TP53BP1: variants seen among roughly 807,000 people sequenced by gnomAD.
TP53BP1 encodes the protein tumor protein p53 binding protein 1.
Under a neutral mutation model 200.8 loss-of-function variants are expected in TP53BP1, and 61 were observed. That is an observed-to-expected ratio of 0.30 (90% CI 0.25 to 0.38). The LOEUF is 0.38. Ranked by LOEUF, TP53BP1 falls within the 10% of genes least tolerant of loss-of-function variation. The pLI is 1.00. For synonymous variants in TP53BP1, 822 were observed against 844.3 expected (o/e 0.97, Z 0.46); for missense variants, 2,144 against 2,371.9 (o/e 0.90, Z 2.00).
At chr15:43,407,867 TGGACCACAAGGCCTA>T in intron 27 of TP53BP1, 61 bp downstream of exon 27, 1 of 1,443,116 alleles carries the variant, frequency 6.9e-7, no homozygotes, top group Non-Finnish European at 9.3e-7. Flanking sequence ...GCCTGAGCCT[TGGACCACAAGGCCTA>T]ACACCTACAG....
rs1463960121 is a variant in TP53BP1, at chr15:43,438,428, T to C, written c.3099-12A>G. ...TGGTCTTCTGGGGACTAAGACAATA[T>C]ATTAAAGCAATATATTGTTAACTTT... On this transcript the variant is annotated splice_polypyrimidine_tract_variant and intron_variant, in intron 15 of 27. Transcript: ENST00000382044. The C allele has an allele frequency of 2.5e-6, 4 of 1,596,720 alleles. No homozygotes were observed. Among genetic ancestry groups the C allele is most frequent in the Non-Finnish European group, 3.4e-6 (4 of 1,169,568 alleles).
intron 12 of TP53BP1, among the ~76,000 whole-genome samples, chr15:43,448,067 C>T (rs181000260): frequency 2.6e-5 from 4 of 152,266 alleles, no homozygotes; most frequent in South Asian, 2.1e-4. Flanking sequence ...TTCAGCAGTA[C>T]GGACCAGCAT....
intron 13 of TP53BP1, chr15:43,447,119 A>C (rs1236894008): frequency 2.1e-6 from 1 of 485,324 alleles, no homozygotes; most frequent in Non-Finnish European, 3.7e-6. Flanking sequence ...CTTGCAAGTA[A>C]TAAGATAAAA....
chr15:43,484,180 C>T (rs1191240059), intron 4 of TP53BP1, among the ~76,000 whole-genome samples: 1 of 152,190 alleles, frequency 6.6e-6, no homozygotes, highest in Non-Finnish European at 1.5e-5. Context: ...TTGGAATCTG[C>T]CAGGCACGGT....
In TP53BP1 at chr15:43,409,748, T is replaced by TAAA; in HGVS notation, c.5306-10_5306-8dup. On this transcript the variant is annotated splice_region_variant and splice_polypyrimidine_tract_variant and intron_variant, in intron 24 of 27. Transcript: ENST00000382044. ...GGAGGAATTTCCAAAAATTCTATATTAAAAAAAAAAACCAAGATAATAATT... is the reference window on the plus strand; with the variant it reads ...GGAGGAATTTCCAAAAATTCTATATTAAAAAAAAAAAAAACCAAGATAATAATT... The TAAA allele has an allele frequency of 6.5e-6, 8 of 1,223,284 alleles. No homozygotes were observed. The highest frequency in any genetic ancestry group is 1.6e-5 in the African/African-American group (1 of 62,886). 75.8% of individuals were successfully genotyped at this position (1,223,284 alleles called of 1,614,324 possible).
At chr15:43,442,186 C>T (rs991890676) in intron 14 of TP53BP1, among the ~76,000 whole-genome samples, 4 of 148,990 alleles carry the variant, frequency 2.7e-5, no homozygotes, top group African/African-American at 7.4e-5. Context: ...CCCGGGTTCA[C>T]GCCATTCTCC....
chr15:43,441,632 A>G, intron 14 of TP53BP1, 49 bp from the exon 15 acceptor site: 2 of 1,306,302 alleles, frequency 1.5e-6, no homozygotes, highest in Non-Finnish European at 2.2e-6. Flanking sequence ...AACAGAATTT[A>G]GTTAGTATCA....
At chr15:43,448,711 T>C (rs1160181758) in intron 12 of TP53BP1, among the ~76,000 whole-genome samples, 1 of 152,018 alleles carries the variant, frequency 6.6e-6, no homozygotes, top group Non-Finnish European at 1.5e-5. Context: ...AGCTAATTTT[T>C]TGTATTTTTA....
At chr15:43,476,335 G>A (rs1274368214) in intron 8 of TP53BP1, among the ~76,000 whole-genome samples, 1 of 152,196 alleles carries the variant, frequency 6.6e-6, no homozygotes, top group Non-Finnish European at 1.5e-5. Flanking sequence ...CTTCTTTCTT[G>A]TGATGCTTCT....
intron 18 of TP53BP1, among the ~76,000 whole-genome samples, chr15:43,424,706 T>C (rs1379625960): frequency 2.0e-5 from 3 of 152,240 alleles, no homozygotes; most frequent in African/African-American, 7.2e-5. Context: ...CAGAATAAAA[T>C]AGGTATCCTT....
chr15:43,485,882 G>T (rs781530574), intron 4 of TP53BP1, among the ~76,000 whole-genome samples: 2 of 152,026 alleles, frequency 1.3e-5, no homozygotes, highest in East Asian at 3.8e-4. Context: ...AAAATTTGTA[G>T]AATGATTAGA....
intron 10 of TP53BP1, among the ~76,000 whole-genome samples, chr15:43,471,738 T>C (rs1026105583): frequency 6.6e-6 from 1 of 152,120 alleles, no homozygotes; most frequent in Non-Finnish European, 1.5e-5. Flanking sequence ...TGAGAAAGTA[T>C]ATTTAATATA....
chr15:43,477,788 A>G, intron 7 of TP53BP1, 29 bp from the exon 8 acceptor site: 1 of 1,476,590 alleles, frequency 6.8e-7, no homozygotes. Flanking sequence ...CAGGAGAAAA[A>G]GTTCCTAAGT....
rs1262699530 is a variant in TP53BP1, at chr15:43,403,634, T to C, written c.*3749A>G. The C allele has an allele frequency of 7.4e-7, 1 of 1,351,288 alleles. No individual in the cohort carries two copies. Among genetic ancestry groups the C allele is most frequent in the Non-Finnish European group, 1.1e-6 (1 of 947,768 alleles). 83.7% of individuals were successfully genotyped at this position (1,351,288 alleles called of 1,614,324 possible). A position where few individuals can be genotyped will look rare whatever the true frequency, so the allele number is the denominator to read the frequency against. On this transcript the variant is annotated 3_prime_UTR_variant, in exon 28 of 28. Transcript: ENST00000382044. ...CTGTTCTCCTAACACTTTAACTTCA[T>C]GGATGTACCTTCCTTCCTTTCCTAA...
At position 43,500,778 on chromosome 15, in the gene TP53BP1, G is replaced by A. The variant is rs954077812; in HGVS notation, c.-8-8310C>T. 4.6e-5 allele frequency among the ~76,000 whole-genome samples: 7 copies of A among 152,142 alleles called. No individual in the cohort carries two copies. In the East Asian group the frequency reaches 9.6e-4, roughly 21 times the overall value. ...GGAGGTTGCACTGAGCCGAAATCAC[G>A]CTGCTGCACTCCAGCCTGGGCGACA... On this transcript the variant is annotated intron_variant, in intron 1 of 27. Transcript: ENST00000263801.
In TP53BP1 at chr15:43,420,182, G is replaced by C. The variant is rs1595530783; in HGVS notation, c.4681+123C>G. 3.1e-6 allele frequency: 3 copies of C among 966,610 alleles called. No individual in the cohort carries two copies. In the African/African-American group the frequency reaches 4.9e-5, roughly 16 times the overall value. 59.9% of individuals were successfully genotyped at this position (966,610 alleles called of 1,614,324 possible). On this transcript the variant is annotated intron_variant, in intron 21 of 27. Coordinates refer to ENST00000382044, the MANE Select transcript of TP53BP1 (RefSeq NM_001141980.3). ...CAAGAGTAACCAATTTTGTAGGAATGAAATTTCTGACTTTAGAGACACTGG... is the reference window on the plus strand; with the variant it reads ...CAAGAGTAACCAATTTTGTAGGAATCAAATTTCTGACTTTAGAGACACTGG...
chr15:43,476,881 T>G (rs2078890730), intron 8 of TP53BP1, among the ~76,000 whole-genome samples: 1 of 152,248 alleles, frequency 6.6e-6, no homozygotes, highest in Non-Finnish European at 1.5e-5. Flanking sequence ...TTCCGCTAGA[T>G]TTTAAATTCC....
chr15:43,418,596 G>A (rs992580338), intron 21 of TP53BP1, among the ~76,000 whole-genome samples: 1 of 151,648 alleles, frequency 6.6e-6, no homozygotes, highest in African/African-American at 2.4e-5. Flanking sequence ...GTTTTTAAAT[G>A]ACAAACTCAA....
Position 43,469,975 on chromosome 15 carries a change from G to T in TP53BP1, c.1272C>A (p.Asn424Lys). The T allele has an allele frequency of 6.2e-7, 1 of 1,613,942 alleles. No individual in the cohort carries two copies. Residue 424 changes from asparagine (N) to lysine (K), a missense_variant, in exon 11 of 28, where the codon AAC becomes AAA. Physicochemically the swap from Asn to Lys is moderately conservative, Grantham distance 94. Transcript: ENST00000382044. Reference protein sequence around the residue: ...LQSGEPVELENPPLLPESTVS... With the variant: ...LQSGEPVELEKPPLLPESTVS... ...CAGTGGACTCAGGCAGGAGAGGGGG[G>T]TTTTCTAACTCCACTGGTTCACCAC...
Sources: gnomAD v4.1 joint callset for allele counts (sites outside exome capture counted in the v4.1 genomes callset) on GRCh38, gnomAD v4.1.1 for gene constraint, MANE v1.5 for transcripts, NCBI Gene and HGNC (gene_info 2026-07-23, HGNC 2026-07-21) for gene names.